Variants in PCDHA8 observed in about 807,000 individuals in gnomAD.
PCDHA8 encodes the protein protocadherin alpha-8.
PCDHA8 carries 53 observed loss-of-function variants against 61.8 expected under a neutral mutation model. The ratio of observed to expected loss-of-function variants is 0.86; its 90% CI spans 0.69 to 1.08. The LOEUF (loss-of-function observed/expected upper bound fraction) is 1.08, where lower values mean the gene tolerates loss of function less well. Among genes scored for constraint, PCDHA8 ranks in the 50% least tolerant of loss-of-function variants. PCDHA8 has a pLI of 0.00. For missense variants in PCDHA8, 1,293 were observed against 1,245.0 expected, an observed-to-expected ratio of 1.04 and a Z score of -0.58; for synonymous variants, 618 against 556.6, an observed-to-expected ratio of 1.11 and a Z score of -1.55.
chr5:140,928,637 A>C (rs781828981), intron 1 of PCDHA8: 1 of 1,614,202 alleles, frequency 6.2e-7, no homozygotes, highest in South Asian at 1.1e-5. Context: ...TTGGTCACAA[A>C]AGTGGTAGCA....
chr5:140,861,928 T>G (rs1225434437), intron 1 of PCDHA8: 1 of 154,028 alleles, frequency 6.5e-6, no homozygotes, highest in Non-Finnish European at 1.4e-5. Flanking sequence ...ATGTAAATGA[T>G]GATGCCCAGT....
intron 1 of PCDHA8, among the ~76,000 whole-genome samples, chr5:140,942,620 A>C (rs1304224304): frequency 3.5e-5 from 1 of 28,710 alleles, no homozygotes; most frequent in African/African-American, 2.6e-4. Context: ...TGCCAATTGT[A>C]AAAAAAAAAA....
At chr5:140,857,506 C>A in intron 1 of PCDHA8, 2 of 1,598,276 alleles carry the variant, frequency 1.3e-6, no homozygotes, top group Non-Finnish European at 1.7e-6. Flanking sequence ...CGCAGGAGAA[C>A]GCCCTGGTGT....
intron 1 of PCDHA8, chr5:140,967,558 C>G (rs1554229674): frequency 6.2e-7 from 1 of 1,614,050 alleles, no homozygotes; most frequent in South Asian, 1.1e-5. Flanking sequence ...CTTATCGCGT[C>G]CAGCTACGGG....
At chr5:140,966,955 C>T in intron 1 of PCDHA8, 1 of 1,602,734 alleles carries the variant, frequency 6.2e-7, no homozygotes, top group East Asian at 2.2e-5. Context: ...ACGTGGCTCG[C>T]GCGCTGGGGC....
Position 140,841,417 on chromosome 5 carries a change from C to A in PCDHA8, c.96C>A (p.His32Gln), listed in dbSNP as rs1242106171. The change falls in exon 1 of 4, where the codon CAC becomes CAA. Residue 32 changes from histidine to glutamine, a missense_variant. Coordinates refer to ENST00000531613, the MANE Select transcript of PCDHA8 (RefSeq NM_018911.3). ...AAWKVGSGQLHYSVPEEAKHG... is the reference protein window; with the variant it reads ...AAWKVGSGQLQYSVPEEAKHG... Reference sequence around the variant, plus strand: ...GGAAGGTGGGGAGCGGCCAGCTCCACTACTCCGTCCCCGAGGAGGCCAAAC... The same window carrying A: ...GGAAGGTGGGGAGCGGCCAGCTCCAATACTCCGTCCCCGAGGAGGCCAAAC... The A allele has an allele frequency of 3.1e-6, 5 of 1,612,932 alleles. No homozygotes were observed. Among genetic ancestry groups the A allele is most frequent in the Non-Finnish European group, 4.2e-6 (5 of 1,179,874 alleles).
rs187904552 is a variant in PCDHA8 at position 140,875,781 on chromosome 5, T to C, written c.2394+32066T>C. ...TGTGCGGGCGGAGCGCGGAGTGCAGTATCCACCTGGAGGTGATCGTGGACA... is the reference window on the plus strand; with the variant it reads ...TGTGCGGGCGGAGCGCGGAGTGCAGCATCCACCTGGAGGTGATCGTGGACA... On this transcript the variant is annotated intron_variant, in intron 1 of 3. Coordinates refer to ENST00000531613, the MANE Select transcript of PCDHA8 (RefSeq NM_018911.3). 4.7e-3 allele frequency: 7,631 copies of C among 1,614,134 alleles called. 28 individuals carry two copies. Among genetic ancestry groups the C allele is most frequent in the Middle Eastern group, 6.4e-3 (39 of 6,062 alleles).
chr5:140,885,207 T>C (rs1405388039), intron 1 of PCDHA8, among the ~76,000 whole-genome samples: 1 of 152,140 alleles, frequency 6.6e-6, no homozygotes, highest in Admixed American at 6.5e-5. Context: ...ATATATCCCA[T>C]GAAAAATATC....
chr5:140,968,330 G>A (rs1314697989), intron 1 of PCDHA8: 2 of 1,613,974 alleles, frequency 1.2e-6, no homozygotes, highest in East Asian at 2.2e-5. Context: ...CACCTCCTAT[G>A]TCTCCATTAA....
intron 1 of PCDHA8, chr5:140,865,407 G>A (rs2048863469): frequency 6.6e-6 from 1 of 152,160 alleles, no homozygotes; most frequent in Non-Finnish European, 1.5e-5. Flanking sequence ...TGCTGAAAAG[G>A]AATTAGTAGT....
rs782568393 is a variant in PCDHA8 at position 141,011,637 on chromosome 5, C to G, written c.*1700C>G. The G allele has an allele frequency of 2.0e-5, 3 of 153,526 alleles. No homozygotes were observed. Among genetic ancestry groups the G allele is most frequent in the Non-Finnish European group, 4.4e-5 (3 of 68,022 alleles). The allele number at this position is 153,526 out of a possible 1,614,324, so 9.5% of individuals were successfully genotyped here. ...GGTCCAGCCAAGAGCCATCTCGTGC[C>G]AAGACTTCTGCTGGCAAGGGAATGG... is the stretch of plus-strand genomic sequence containing the variant. On this transcript the variant is annotated 3_prime_UTR_variant, in exon 4 of 4. Transcript: ENST00000531613.
intron 1 of PCDHA8, chr5:140,849,713 G>T (rs2150446260): frequency 1.9e-6 from 3 of 1,598,578 alleles, no homozygotes; most frequent in Non-Finnish European, 2.6e-6. Context: ...ATTACTACTC[G>T]TTGGTGCTGG....
chr5:140,850,326 C>A (rs2150479866), intron 1 of PCDHA8: 3 of 1,597,642 alleles, frequency 1.9e-6, no homozygotes, highest in East Asian at 2.2e-5. Flanking sequence ...TTCATACGAG[C>A]TGCAGCCAGA....
chr5:140,981,690 A>C (rs1410954672), intron 2 of PCDHA8, among the ~76,000 whole-genome samples: 1 of 150,712 alleles, frequency 6.6e-6, no homozygotes, highest in Non-Finnish European at 1.5e-5. Flanking sequence ...CCCTTCCATC[A>C]TTCATTCATT....
chr5:140,924,704 G>A (rs6883852), intron 1 of PCDHA8, among the ~76,000 whole-genome samples: 1 of 152,052 alleles, frequency 6.6e-6, no homozygotes, highest in Non-Finnish European at 1.5e-5. Flanking sequence ...AGACCAGCTT[G>A]TGCAACATGG....
chr5:140,949,260 T>C (rs1292112980), intron 1 of PCDHA8, among the ~76,000 whole-genome samples: 1 of 151,804 alleles, frequency 6.6e-6, no homozygotes, highest in Non-Finnish European at 1.5e-5. Flanking sequence ...GATGAACATA[T>C]CACGTGCACT....
intron 1 of PCDHA8, chr5:140,863,200 GC>G: frequency 1.1e-6 from 1 of 918,418 alleles, no homozygotes. Context: ...GGCGTCGCTG[GC>G]GGAGAGCAGC....
chr5:140,927,374 A>G (rs1026302775), intron 1 of PCDHA8: 5 of 1,614,100 alleles, frequency 3.1e-6, no homozygotes, highest in Non-Finnish European at 4.2e-6. Context: ...ATACTAAGCT[A>G]CAGCCTAAGC....
chr5:140,952,821 A>G (rs269545), intron 1 of PCDHA8, among the ~76,000 whole-genome samples: 31,238 of 152,098 alleles, frequency 0.21, 3,965 homozygotes, highest in African/African-American at 0.36. Context: ...CTGTACAGGA[A>G]GCATGATGCT....
Sources: allele counts gnomAD v4.1 joint callset (sites outside exome capture counted in the v4.1 genomes callset), GRCh38; gene constraint gnomAD v4.1.1; transcripts MANE v1.5; gene names NCBI Gene and HGNC (gene_info 2026-07-23, HGNC 2026-07-21).